CNTNAP4: variants seen among roughly 807,000 people sequenced by gnomAD.
CNTNAP4 encodes the protein contactin-associated protein-like 4.
A neutral mutation model predicts 148.4 loss-of-function variants in CNTNAP4; 98 were observed. The ratio of observed to expected loss-of-function variants is 0.66; its 90% CI spans 0.56 to 0.78. The LOEUF is 0.78. Ranked by LOEUF, CNTNAP4 falls within the 30% of genes least tolerant of loss-of-function variation. CNTNAP4 has a pLI of 0.00. For synonymous variants in CNTNAP4, 730 were observed against 565.1 expected, an observed-to-expected ratio of 1.29 and a Z score of -4.14; for missense variants, 1,935 against 1,565.6, an observed-to-expected ratio of 1.24 and a Z score of -3.98.
At chr16:76,408,380 A>G (rs1478476787) in intron 3 of CNTNAP4, among the ~76,000 whole-genome samples, 2 of 147,254 alleles carry the variant, frequency 1.4e-5, no homozygotes, top group Non-Finnish European at 3.0e-5. Context: ...TAATCTATTA[A>G]CAATTAACAG....
At chr16:76,280,960 A>G (rs1485971019) in intron 1 of CNTNAP4, among the ~76,000 whole-genome samples, 1 of 152,110 alleles carries the variant, frequency 6.6e-6, no homozygotes, top group Non-Finnish European at 1.5e-5. Context: ...GAGGCTCTCT[A>G]GTTACTGGTA....
intron 3 of CNTNAP4, among the ~76,000 whole-genome samples, chr16:76,366,991 C>A (rs2014217994): frequency 6.6e-6 from 1 of 151,696 alleles, no homozygotes; most frequent in African/African-American, 2.4e-5. Flanking sequence ...TGAGAAATAA[C>A]TAAGTTAATT....
chr16:76,466,122 C>T (rs749143483), intron 9 of CNTNAP4, among the ~76,000 whole-genome samples: 16 of 152,108 alleles, frequency 1.1e-4, no homozygotes, highest in Admixed American at 4.6e-4. Flanking sequence ...ATCTAGTCTC[C>T]GTTCCGTGGG....
At chr16:76,362,462 C>T (rs1287988119) in intron 3 of CNTNAP4, among the ~76,000 whole-genome samples, 2 of 152,008 alleles carry the variant, frequency 1.3e-5, no homozygotes, top group Non-Finnish European at 2.9e-5. Context: ...TTTTGAATAT[C>T]CAAAACAATC....
Position 76,448,057 on chromosome 16 carries a change from G to T in CNTNAP4, c.584G>T (p.Arg195Ile). Residue 195 changes from arginine (R) to isoleucine (I), a missense_variant, in exon 5 of 24, where the codon AGA becomes ATA. By Grantham distance (97) the Arg-to-Ile change is moderately conservative. Transcript: ENST00000611870. ...GATGGAAAAAGTTCCCTTCTCTACA[G>T]ATTTGATCAAAAATCCCTGAGCCCA... is the stretch of plus-strand genomic sequence containing the variant. ...DLDGKSSLLY[R>I]FDQKSLSPIK... 1 of 1,613,682 alleles carries T rather than the reference G, an allele frequency of 6.2e-7. No individual in the cohort carries two copies. Among genetic ancestry groups the T allele is most frequent in the Non-Finnish European group, 8.5e-7 (1 of 1,179,748 alleles).
chr16:76,388,382 C>G (rs558076093), intron 3 of CNTNAP4, among the ~76,000 whole-genome samples: 2 of 152,228 alleles, frequency 1.3e-5, no homozygotes, highest in Non-Finnish European at 2.9e-5. Flanking sequence ...AAATACCATT[C>G]TTTCTTACTT....
intron 15 of CNTNAP4, among the ~76,000 whole-genome samples, chr16:76,506,334 G>A (rs1404382663): frequency 1.1e-5 from 1 of 93,432 alleles, no homozygotes; most frequent in African/African-American, 2.6e-5. Flanking sequence ...GGGGGTGTGG[G>A]GGTAGGAGAA....
chr16:76,369,894 C>T (rs554961767), intron 3 of CNTNAP4, among the ~76,000 whole-genome samples: 14 of 152,026 alleles, frequency 9.2e-5, no homozygotes, highest in Non-Finnish European at 1.6e-4. Flanking sequence ...CTTTCTCCTC[C>T]GTTTTGTTCT....
Position 76,347,527 on chromosome 16 carries a change from A to G in CNTNAP4, c.197-7791A>G, listed in dbSNP as rs143158790. Among the ~76,000 whole-genome samples the G allele has an allele frequency of 1.7e-3, 252 of 152,322 alleles. 2 individuals carry two copies. Among genetic ancestry groups the G allele is most frequent in the African/African-American group, 5.7e-3 (239 of 41,584 alleles). ...TATAAAAAAGATGGAGATTTCTGTCAAAAATGAAAAAGTGGTTCAGGGGAA... is the reference window on the plus strand; with the variant it reads ...TATAAAAAAGATGGAGATTTCTGTCGAAAATGAAAAAGTGGTTCAGGGGAA... On this transcript the variant is annotated intron_variant, in intron 2 of 23. Transcript: ENST00000611870.
chr16:76,503,623 C>T (rs1332033908), intron 15 of CNTNAP4, among the ~76,000 whole-genome samples: 1 of 152,074 alleles, frequency 6.6e-6, no homozygotes, highest in Non-Finnish European at 1.5e-5. Context: ...TGGTGTGCTG[C>T]ACCCATTAAC....
intron 1 of CNTNAP4, among the ~76,000 whole-genome samples, chr16:76,299,799 A>G (rs967521059): frequency 6.6e-6 from 1 of 152,186 alleles, no homozygotes; most frequent in Non-Finnish European, 1.5e-5. Context: ...TATACACCAC[A>G]GAATACTATG....
intron 4 of CNTNAP4, among the ~76,000 whole-genome samples, chr16:76,443,165 C>T (rs1354779201): frequency 6.6e-6 from 1 of 151,984 alleles, no homozygotes; most frequent in Non-Finnish European, 1.5e-5. Context: ...TATAAAACCT[C>T]AGTTAATAAG....
chr16:76,440,714 C>G (rs185979205), intron 4 of CNTNAP4, among the ~76,000 whole-genome samples: 207 of 152,186 alleles, frequency 1.4e-3, no homozygotes, highest in African/African-American at 4.8e-3. Context: ...AACATTAGGC[C>G]AAGCCCAGGA....
chr16:76,413,335 CT>C (rs1328166277), intron 3 of CNTNAP4, among the ~76,000 whole-genome samples: 1 of 151,166 alleles, frequency 6.6e-6, no homozygotes, highest in Non-Finnish European at 1.5e-5. Context: ...TTAGATTTTT[CT>C]TTTTAAATTG....
intron 3 of CNTNAP4, among the ~76,000 whole-genome samples, chr16:76,395,870 A>C (rs984504604): frequency 6.6e-6 from 1 of 151,998 alleles, no homozygotes; most frequent in South Asian, 2.1e-4. Context: ...CTAGGACTAC[A>C]GGTGTGTCCC....
intron 2 of CNTNAP4, among the ~76,000 whole-genome samples, chr16:76,321,836 T>C (rs1279351040): frequency 3.3e-5 from 5 of 150,372 alleles, no homozygotes; most frequent in South Asian, 2.1e-4. Context: ...TTTAAAATGA[T>C]AGTATTAATA....
At chr16:76,430,909 C>T (rs773794154) in intron 4 of CNTNAP4, among the ~76,000 whole-genome samples, 1 of 152,148 alleles carries the variant, frequency 6.6e-6, no homozygotes, top group Non-Finnish European at 1.5e-5. Flanking sequence ...GTGAATCATA[C>T]ATGTATTGAG....
intron 15 of CNTNAP4, among the ~76,000 whole-genome samples, chr16:76,499,661 CAT>C (rs2082546725): frequency 6.6e-6 from 1 of 150,396 alleles, no homozygotes; most frequent in South Asian, 2.1e-4. Context: ...AGCAGATAAA[CAT>C]GTGAACAAAG....
At chr16:76,277,874 A>C in intron 1 of CNTNAP4, 127 bp downstream of exon 1, 1 of 679,128 alleles carries the variant, frequency 1.5e-6, no homozygotes, top group Non-Finnish European at 2.6e-6. Flanking sequence ...ACCAAGCATC[A>C]CTTAAAAATC....
Sources: gnomAD v4.1 joint callset for allele counts (sites outside exome capture counted in the v4.1 genomes callset) on GRCh38, gnomAD v4.1.1 for gene constraint, MANE v1.5 for transcripts, NCBI Gene and HGNC (gene_info 2026-07-23, HGNC 2026-07-21) for gene names.